Variants in ZNF2 observed in about 807,000 individuals in gnomAD.
ZNF2 encodes zinc finger protein 2.2.
ZNF2 carries 12 observed loss-of-function variants against 21.9 expected under a neutral mutation model. The observed-to-expected ratio is 0.55, with a 90% CI of 0.35 to 0.89. ZNF2 has a LOEUF of 0.89. Ranked by LOEUF, ZNF2 falls within the 40% of genes least tolerant of loss-of-function variation. The pLI is 0.01. For synonymous variants in ZNF2, 186 were observed against 196.3 expected (o/e 0.95, Z 0.44); for missense variants, 462 against 544.2 (o/e 0.85, Z 1.50).
Position 95,171,266 on chromosome 2 carries a change from T to C in ZNF2, c.-39-4922T>C, listed in dbSNP as rs1453181385. Among the ~76,000 whole-genome samples, 3 of 152,140 alleles carry C rather than the reference T, an allele frequency of 2.0e-5. No individual in the cohort carries two copies. The East Asian group carries it at 5.8e-4, about 29-fold the overall frequency. On this transcript the variant is annotated intron_variant, in intron 1 of 4. Coordinates refer to ENST00000614034, the MANE Select transcript of ZNF2 (RefSeq NM_021088.4). ...TTCCCTTCAGTCCTTCTCTGTACCT[T>C]ATCTCCATGAACGGCATCGTTATCC...
chr2:95,182,253 C>G lies in ZNF2; in HGVS notation c.*147C>G. On this transcript the variant is annotated 3_prime_UTR_variant, in exon 5 of 5. Coordinates refer to ENST00000614034, the MANE Select transcript of ZNF2 (RefSeq NM_021088.4). The stretch of plus-strand genomic sequence containing the variant: ...TGCGCCAGAGTGTTTAATAAGCACT[C>G]CCTTCCTGCTGTGTTATAGAACTGT... 1 of 999,480 alleles carries G rather than the reference C, an allele frequency of 1.0e-6. No individual in the cohort carries two copies. Among genetic ancestry groups the G allele is most frequent in the Non-Finnish European group, 1.4e-6 (1 of 695,186 alleles). 61.9% of individuals were successfully genotyped at this position (999,480 alleles called of 1,614,324 possible).
rs766874744 is a variant in ZNF2, at chr2:95,180,213, C to T, written c.215C>T (p.Pro72Leu). 14 of 1,613,950 alleles carry T rather than the reference C, an allele frequency of 8.7e-6. No homozygotes were observed. The highest frequency in any genetic ancestry group is 6.7e-5 in the African/African-American group (5 of 74,894). The change falls in exon 4 of 5, where the codon CCG (proline) becomes CTG (leucine). Residue 72 changes from proline (P) to leucine (L), a missense_variant. Transcript: ENST00000614034. ...TTCCAATTGAAGAGAGGGGACAAGC[C>T]GTGGATGGTAGATCTTCATGGGTCT... The part of the protein sequence containing the change: ...VIFQLKRGDK[P>L]WMVDLHGSEE...
intron 1 of ZNF2, among the ~76,000 whole-genome samples, chr2:95,172,749 G>A (rs1674321468): frequency 4.0e-5 from 6 of 151,014 alleles, no homozygotes; most frequent in Admixed American, 1.3e-4. Context: ...CAATTCTCCT[G>A]CCTCAGCCTC....
At position 95,182,653 on chromosome 2, in the gene ZNF2, G is replaced by A. The variant is rs1469275246; in HGVS notation, c.*547G>A. On this transcript the variant is annotated 3_prime_UTR_variant, in exon 5 of 5. Coordinates refer to ENST00000614034, the MANE Select transcript of ZNF2 (RefSeq NM_021088.4). ...GGGTTTTACAGGAAGTAGATTAATT[G>A]ATCCTGTCACCAACCATATGAAGTA... 1 of 153,432 alleles carries A rather than the reference G, an allele frequency of 6.5e-6. No individual in the cohort carries two copies. The highest frequency in any genetic ancestry group is 1.5e-5 in the Non-Finnish European group (1 of 68,708). 9.5% of individuals were successfully genotyped at this position (153,432 alleles called of 1,614,324 possible).
At position 95,182,984 on chromosome 2, in the gene ZNF2, AC is replaced by A. The variant is rs1422063895; in HGVS notation, c.*880del. The A allele has an allele frequency of 1.3e-5, 2 of 152,236 alleles. No individual in the cohort carries two copies. Among genetic ancestry groups the A allele is most frequent in the Admixed American group, 6.6e-5 (1 of 15,266 alleles). 9.4% of individuals were successfully genotyped at this position (152,236 alleles called of 1,614,324 possible). A position where few individuals can be genotyped will look rare whatever the true frequency, so the allele number is the denominator to read the frequency against. On this transcript the variant is annotated 3_prime_UTR_variant, in exon 5 of 5. Coordinates refer to ENST00000614034, the MANE Select transcript of ZNF2 (RefSeq NM_021088.4). ...ATATGAGTGAATGACTTTTCTACTTACCAAATTCTCTCCATTCAGAACACCT... is the reference window on the plus strand; with the variant it reads ...ATATGAGTGAATGACTTTTCTACTTACAAATTCTCTCCATTCAGAACACCT...
At chr2:95,170,142 C>T (rs1382958929) in intron 1 of ZNF2, among the ~76,000 whole-genome samples, 6 of 152,126 alleles carry the variant, frequency 3.9e-5, no homozygotes, top group African/African-American at 1.4e-4. Flanking sequence ...TTTGGATACC[C>T]TCTTGTGATG....
chr2:95,171,993 C>A (rs2104498036), intron 1 of ZNF2, among the ~76,000 whole-genome samples: 1 of 152,282 alleles, frequency 6.6e-6, no homozygotes, highest in Admixed American at 6.5e-5. Context: ...GGGGAAAAGA[C>A]AAGCCGGGTA....
chr2:95,179,545 A>G (rs1265335052), intron 3 of ZNF2, among the ~76,000 whole-genome samples: 9 of 152,194 alleles, frequency 5.9e-5, no homozygotes, highest in Non-Finnish European at 8.8e-5. Flanking sequence ...TCCTAAGCCA[A>G]CGACCTTCAT....
intron 1 of ZNF2, among the ~76,000 whole-genome samples, chr2:95,172,116 T>G (rs148163440): frequency 2.0e-5 from 3 of 152,286 alleles, no homozygotes; most frequent in African/African-American, 7.2e-5. Context: ...ATGTCTCTGC[T>G]CAAGGAAGCT....
At chr2:95,178,856 T>C (rs755800072) in intron 3 of ZNF2, among the ~76,000 whole-genome samples, 14 of 152,220 alleles carry the variant, frequency 9.2e-5, no homozygotes, top group Non-Finnish European at 2.1e-4. Context: ...ATCCATACAA[T>C]GTCATATCCC....
chr2:95,181,225 A>T lies in ZNF2; in HGVS notation c.397A>T (p.Arg133Trp), dbSNP rs1674630313. Residue 133 changes from arginine (R) to tryptophan (W), a missense_variant, in exon 5 of 5, where the codon AGG becomes TGG. Arg to Trp is a moderately radical substitution (Grantham distance 101, BLOSUM62 -3). Coordinates refer to ENST00000614034, the MANE Select transcript of ZNF2 (RefSeq NM_021088.4). ...PKFEVHTPNG[R>W]MGTEKQSPSG... ...ATTTGAAGTTCATACACCCAATGGC[A>T]GGATGGGAACAGAAAAGCAAAGCCC... The T allele has an allele frequency of 6.2e-7, 1 of 1,614,104 alleles. No individual in the cohort carries two copies. Among genetic ancestry groups the T allele is most frequent in the African/African-American group, 1.3e-5 (1 of 74,944 alleles).
chr2:95,170,914 C>A lies in ZNF2; in HGVS notation c.-40+5054C>A, dbSNP rs1674246498. Among the ~76,000 whole-genome samples, 5 of 152,136 alleles carry A rather than the reference C, an allele frequency of 3.3e-5. No homozygotes were observed. The South Asian group carries it at 8.3e-4, about 25-fold the overall frequency. ...CCTGGTTTATTCCCATTCCAAATTT[C>A]TTTTTACATACTTATATGAGTAGAT... On this transcript the variant is annotated intron_variant, in intron 1 of 4. Transcript: ENST00000614034.
intron 1 of ZNF2, 106 bp from the exon 2 acceptor site, chr2:95,176,082 G>A: frequency 2.0e-6 from 2 of 986,318 alleles, no homozygotes; most frequent in Non-Finnish European, 3.3e-6. Flanking sequence ...GTAAGGTATT[G>A]AGGATGACAT....
chr2:95,176,522 G>T (rs1191760853), intron 2 of ZNF2, among the ~76,000 whole-genome samples: 1 of 152,188 alleles, frequency 6.6e-6, no homozygotes, highest in Non-Finnish European at 1.5e-5. Context: ...CAATGGTAGG[G>T]TCTGATTGGA....
At chr2:95,171,025 G>A (rs961604216) in intron 1 of ZNF2, among the ~76,000 whole-genome samples, 3 of 152,016 alleles carry the variant, frequency 2.0e-5, no homozygotes, top group African/African-American at 7.3e-5. Context: ...TTTAAACATT[G>A]CCTTCCTTGT....
At chr2:95,176,736 G>T (rs932776337) in intron 2 of ZNF2, among the ~76,000 whole-genome samples, 1 of 152,162 alleles carries the variant, frequency 6.6e-6, no homozygotes, top group Non-Finnish European at 1.5e-5. Context: ...CTCCATTCCT[G>T]CCCGAGGGCA....
At chr2:95,176,063 C>A (rs1448199792) in intron 1 of ZNF2, 125 bp from the exon 2 acceptor site, 13 of 865,568 alleles carry the variant, frequency 1.5e-5, no homozygotes, top group African/African-American at 3.3e-5. Flanking sequence ...TTTACTTAGA[C>A]CCCCTTTTGT....
intron 1 of ZNF2, among the ~76,000 whole-genome samples, chr2:95,175,515 T>C (rs1317378314): frequency 1.3e-5 from 2 of 152,208 alleles, no homozygotes; most frequent in Non-Finnish European, 2.9e-5. Context: ...GTAACTTTGG[T>C]TCCCCGATCC....
intron 1 of ZNF2, among the ~76,000 whole-genome samples, chr2:95,169,321 A>T (rs1230194331): frequency 6.6e-6 from 1 of 152,232 alleles, no homozygotes; most frequent in Non-Finnish European, 1.5e-5. Flanking sequence ...TTGTCTTTAA[A>T]CATTTAACAC....
Sources: allele counts gnomAD v4.1 joint callset (sites outside exome capture counted in the v4.1 genomes callset), GRCh38; gene constraint gnomAD v4.1.1; transcripts MANE v1.5; gene names NCBI Gene and HGNC (gene_info 2026-07-23, HGNC 2026-07-21).